MTUS1: variants seen among roughly 807,000 people sequenced by gnomAD.
MTUS1 encodes the protein microtubule associated scaffold protein 1, also known as microtubule-associated tumor suppressor 1.
In MTUS1, 109 loss-of-function variants were observed where a neutral mutation model predicts 120.8. That is an observed-to-expected ratio of 0.90 (90% CI 0.77 to 1.06). The LOEUF is 1.06. MTUS1 is among the 50% of genes least tolerant of loss of function. The pLI is 0.00. For missense variants in MTUS1, 2,210 were observed against 1,486.3 expected (o/e 1.49, Z -8.01); for synonymous variants, 737 against 550.5 (o/e 1.34, Z -4.74).
intron 7 of MTUS1, among the ~76,000 whole-genome samples, chr8:17,677,071 C>T (rs1281298760): frequency 6.6e-6 from 1 of 152,116 alleles, no homozygotes; most frequent in Non-Finnish European, 1.5e-5. Context: ...CAATGGTATT[C>T]TAAATGCTTG....
At chr8:17,681,641 T>G (rs1340273798) in intron 7 of MTUS1, 1 of 154,822 alleles carries the variant, frequency 6.5e-6, no homozygotes, top group Non-Finnish European at 1.5e-5. Context: ...CAATTACTTT[T>G]GCTCAAACCT....
intron 8 of MTUS1, among the ~76,000 whole-genome samples, chr8:17,672,738 G>C (rs1173764830): frequency 6.6e-6 from 1 of 152,150 alleles, no homozygotes; most frequent in African/African-American, 2.4e-5. Flanking sequence ...TGGGGATCTG[G>C]ATAGGCCACC....
chr8:17,674,207 G>A (rs1222333441), intron 8 of MTUS1, among the ~76,000 whole-genome samples: 2 of 152,036 alleles, frequency 1.3e-5, no homozygotes, highest in African/African-American at 4.8e-5. Context: ...GGAGGCCAAG[G>A]TCAAGAGATG....
chr8:17,688,223 A>G (rs1297560736), intron 6 of MTUS1, among the ~76,000 whole-genome samples: 2 of 152,220 alleles, frequency 1.3e-5, no homozygotes, highest in African/African-American at 2.4e-5. Flanking sequence ...CTCATGAAAT[A>G]TATTTATTAA....
intron 1 of MTUS1, among the ~76,000 whole-genome samples, chr8:17,781,902 A>C (rs991225795): frequency 4.6e-5 from 7 of 152,198 alleles, no homozygotes; most frequent in African/African-American, 1.7e-4. Context: ...ACCCTTCAGA[A>C]GCCAGGCAGG....
At chr8:17,723,951 G>T in intron 3 of MTUS1, 118 bp from the exon 4 acceptor site, 2 of 767,182 alleles carry the variant, frequency 2.6e-6, no homozygotes, top group Non-Finnish European at 2.1e-6. Flanking sequence ...CAAAATGAAT[G>T]TTCACAATCA....
intron 13 of MTUS1, chr8:17,647,365 G>T: frequency 3.5e-6 from 1 of 285,396 alleles, no homozygotes. Context: ...CTAAGAATTG[G>T]TGCCTCTTTC....
At chr8:17,715,941 AAC>A in intron 4 of MTUS1, 40 bp from the exon 5 acceptor site, 1 of 1,583,178 alleles carries the variant, frequency 6.3e-7, no homozygotes, top group East Asian at 2.2e-5. Context: ...TGTATAGATA[AAC>A]ACAGTTTCGA....
rs560517064 is a variant in MTUS1 at position 17,646,535 on chromosome 8, C to A, written c.3600-396G>T. 6.6e-5 allele frequency among the ~76,000 whole-genome samples: 10 copies of A among 152,296 alleles called. No individual in the cohort carries two copies. In the South Asian group the frequency reaches 1.9e-3, roughly 28 times the overall value. On this transcript the variant is annotated intron_variant, in intron 14 of 14. Coordinates refer to ENST00000693296, the MANE Select transcript of MTUS1 (RefSeq NM_001363059.2). ...CCTAGGAGGTGGAGGCTGCAGTAAGCTAAGATCACACCACTGTACTCCAGC... is the reference window on the plus strand; with the variant it reads ...CCTAGGAGGTGGAGGCTGCAGTAAGATAAGATCACACCACTGTACTCCAGC...
chr8:17,772,999 C>A (rs1255679719), intron 1 of MTUS1, among the ~76,000 whole-genome samples: 1 of 152,174 alleles, frequency 6.6e-6, no homozygotes, highest in Non-Finnish European at 1.5e-5. Context: ...ACTAAATTAT[C>A]CTTCCTTTCC....
chr8:17,728,205 G>T (rs966838128), intron 3 of MTUS1, among the ~76,000 whole-genome samples: 3 of 152,156 alleles, frequency 2.0e-5, no homozygotes, highest in African/African-American at 7.2e-5. Flanking sequence ...AGATGAATAC[G>T]TCCTACAGAT....
chr8:17,724,860 G>C (rs1008368551), intron 3 of MTUS1, among the ~76,000 whole-genome samples: 1 of 152,136 alleles, frequency 6.6e-6, no homozygotes, highest in African/African-American at 2.4e-5. Context: ...ATGTTTTAAA[G>C]TACTTATTGA....
chr8:17,757,991 T>C (rs1006905489), intron 1 of MTUS1: 1 of 152,114 alleles, frequency 6.6e-6, no homozygotes, highest in Non-Finnish European at 1.5e-5. Context: ...TTAACTCTTT[T>C]TACTACTGCA....
intron 4 of MTUS1, among the ~76,000 whole-genome samples, chr8:17,718,164 C>A (rs1822691549): frequency 6.6e-6 from 1 of 152,158 alleles, no homozygotes; most frequent in South Asian, 2.1e-4. Context: ...AGGATGTATA[C>A]CACCATGAGT....
intron 7 of MTUS1, among the ~76,000 whole-genome samples, chr8:17,675,580 AATG>A (rs1812934745): frequency 6.6e-6 from 1 of 152,238 alleles, no homozygotes; most frequent in South Asian, 2.1e-4. Flanking sequence ...CTTAAGATGT[AATG>A]CGTTCTCCTC....
At chr8:17,659,243 A>G (rs2130359059) in intron 8 of MTUS1, among the ~76,000 whole-genome samples, 1 of 152,258 alleles carries the variant, frequency 6.6e-6, no homozygotes, top group South Asian at 2.1e-4. Context: ...AAGGCGCATG[A>G]TGGGGCCTCT....
chr8:17,675,804 T>C (rs1446683028), intron 7 of MTUS1, among the ~76,000 whole-genome samples: 3 of 152,186 alleles, frequency 2.0e-5, no homozygotes, highest in African/African-American at 7.2e-5. Flanking sequence ...TTCAGCTACA[T>C]ACCATTTTCT....
rs536376955 is a variant in MTUS1, at chr8:17,753,928, G to T, written c.1880C>A (p.Thr627Asn). 1 of 1,614,096 alleles carries T rather than the reference G, an allele frequency of 6.2e-7. No homozygotes were observed. Among genetic ancestry groups the T allele is most frequent in the Non-Finnish European group, 8.5e-7 (1 of 1,180,026 alleles). ...KASSSNSACE[T>N]GSVSALFQKI... ...CTGAAACAACGCAGAAACGGACCCG[G>T]TCTCGCATGCTGAGTTAGAAGAACT... Residue 627 changes from threonine to asparagine, a missense_variant, in exon 2 of 15, where the codon ACC becomes AAC. Physicochemically the swap from Thr to Asn is moderately conservative, Grantham distance 65. Transcript: ENST00000693296.
rs906908510 is a variant in MTUS1, at chr8:17,675,553, G to A, written c.2839-301C>T. ...TCACTGCTGATCCATAGAACCTTTC[G>A]GCTAATGCATACTGTACTTAAGATG... On this transcript the variant is annotated intron_variant, in intron 7 of 14. Transcript: ENST00000693296. 9.2e-5 allele frequency among the ~76,000 whole-genome samples: 14 copies of A among 152,224 alleles called. No individual in the cohort carries two copies. In the East Asian group the frequency reaches 1.7e-3, roughly 19 times the overall value.
Sources: allele counts gnomAD v4.1 joint callset (sites outside exome capture counted in the v4.1 genomes callset), GRCh38; gene constraint gnomAD v4.1.1; transcripts MANE v1.5; gene names NCBI Gene and HGNC (gene_info 2026-07-23, HGNC 2026-07-21).